Variants in DHTKD1 observed in about 807,000 individuals in gnomAD.
The protein encoded by DHTKD1 is 2-oxoadipate dehydrogenase complex component E1.
In DHTKD1, 78 loss-of-function variants were observed where a neutral mutation model predicts 101.8. The ratio of observed to expected loss-of-function variants is 0.77; its 90% confidence interval spans 0.64 to 0.93. The LOEUF (loss-of-function observed/expected upper bound fraction) is 0.93. Ranked by LOEUF, DHTKD1 falls within the 40% of genes least tolerant of loss-of-function variation. The pLI is 0.00. For missense variants in DHTKD1, 1,223 were observed against 1,161.7 expected (o/e 1.05, Z -0.77); for synonymous variants, 462 against 450.3 (o/e 1.03, Z -0.33).
In DHTKD1 at chr10:12,084,578, GA is replaced by G; in HGVS notation, c.351del (p.Val118CysfsTer2). The G allele has an allele frequency of 6.2e-7, 1 of 1,613,326 alleles. No individual in the cohort carries two copies. Among genetic ancestry groups the G allele is most frequent in the African/African-American group, 1.3e-5 (1 of 75,034 alleles). On this transcript the variant is annotated frameshift_variant, in exon 3 of 17. Coordinates refer to ENST00000263035, the MANE Select transcript of DHTKD1 (RefSeq NM_018706.7). LOFTEE classifies it high-confidence loss of function. Reference sequence around the variant, plus strand: ...GGGGAAGGAAGAGGCCTCACTTGAGGAAGTGTTAGTCTATCTCAATCAAATC... The same window carrying G: ...GGGGAAGGAAGAGGCCTCACTTGAGGAGTGTTAGTCTATCTCAATCAAATC... The part of the protein sequence containing the change: ...NMGKEEASLE[E>X]VLVYLNQIYC...
intron 6 of DHTKD1, among the ~76,000 whole-genome samples, chr10:12,092,069 C>T (rs765976802): frequency 8.6e-5 from 13 of 151,394 alleles, no homozygotes; most frequent in Non-Finnish European, 1.8e-4. Context: ...CTGCAACCTC[C>T]GCCTTTCAGG....
intron 14 of DHTKD1, among the ~76,000 whole-genome samples, chr10:12,118,499 T>C (rs35386608): frequency 0.072 from 10,958 of 151,338 alleles, 543 homozygotes; most frequent in Middle Eastern, 0.14. Flanking sequence ...TCTCCTGCCT[T>C]AGCCTCCCGA....
Position 12,091,544 on chromosome 10 carries a change from G to T in DHTKD1, c.1019G>T (p.Gly340Val), listed in dbSNP as rs976767270. The T allele has an allele frequency of 5.0e-6, 8 of 1,610,762 alleles. No homozygotes were observed. The highest frequency in any genetic ancestry group is 1.7e-5 in the Admixed American group (1 of 59,820). ...VHGDASFCGQ[G>V]IVPETFTLSN... is the part of the protein sequence containing the mutation. ...GGTGATGCTTCTTTCTGTGGTCAAG[G>T]GATTGTTCCTGAAACATTCACGCTG... Residue 340 changes from glycine (G) to valine (V), a missense_variant, in exon 6 of 17, where the codon GGG (glycine) becomes GTG (valine). Coordinates refer to ENST00000263035, the MANE Select transcript of DHTKD1 (RefSeq NM_018706.7).
intron 15 of DHTKD1, among the ~76,000 whole-genome samples, chr10:12,119,277 G>A (rs1372378041): frequency 6.6e-6 from 1 of 151,002 alleles, no homozygotes; most frequent in Non-Finnish European, 1.5e-5. Context: ...CTGCACTCCA[G>A]CCTGGGCACA....
chr10:12,076,172 T>C (rs993907043), intron 1 of DHTKD1, among the ~76,000 whole-genome samples: 1 of 152,232 alleles, frequency 6.6e-6, no homozygotes, highest in African/African-American at 2.4e-5. Context: ...GTCCGCTAAA[T>C]GGCTGCATTC....
At chr10:12,093,522 C>T (rs1313415504) in intron 6 of DHTKD1, among the ~76,000 whole-genome samples, 1 of 152,150 alleles carries the variant, frequency 6.6e-6, no homozygotes, top group African/African-American at 2.4e-5. Flanking sequence ...GCTGTTATTA[C>T]CCATTCCCAG....
intron 1 of DHTKD1, among the ~76,000 whole-genome samples, chr10:12,080,580 G>T (rs983777942): frequency 6.6e-6 from 1 of 151,564 alleles, no homozygotes; most frequent in Non-Finnish European, 1.5e-5. Flanking sequence ...GCGTGGTGGC[G>T]GGAACCTGTA....
chr10:12,113,267 G>A (rs982528742), intron 13 of DHTKD1, among the ~76,000 whole-genome samples: 1 of 151,892 alleles, frequency 6.6e-6, no homozygotes, highest in Admixed American at 6.6e-5. Context: ...GTGCAATCTC[G>A]GCCCGTTGCA....
At chr10:12,119,889 C>CT (rs1200106048) in intron 15 of DHTKD1, among the ~76,000 whole-genome samples, 1 of 152,154 alleles carries the variant, frequency 6.6e-6, no homozygotes, top group Non-Finnish European at 1.5e-5. Flanking sequence ...CCTAGCCTGC[C>CT]TTAAACATGC....
chr10:12,081,623 G>T lies in DHTKD1; in HGVS notation c.306G>T (p.Thr102=), dbSNP rs775431352. The T allele has an allele frequency of 2.5e-6, 4 of 1,614,040 alleles. No individual in the cohort carries two copies. In the South Asian group the frequency reaches 4.4e-5, roughly 18 times the overall value. ...AGACACTGCAGGGACCCTTCCACAC[G>T]GCAGGTATGGCTTCTGCACAGCAGG... The part of the protein sequence containing the change: ...LVQTLQGPFH[T]AGLLNMGKEE... Residue 102 remains threonine, a synonymous_variant, in exon 2 of 17, where the codon ACG becomes ACT. Transcript: ENST00000263035.
rs1449468510 is a variant in DHTKD1, at chr10:12,107,424, G to C, written c.2048-485G>C. On this transcript the variant is annotated intron_variant, in intron 11 of 16. Transcript: ENST00000263035. The surrounding 1 kb of genome is among the most constrained non-coding windows in gnomAD (Gnocchi z 4.1). ...AGGGCCTGTGCCGTGATAGGTTATGGCTTTCTTTTTTGAGACGGTGTCTCA... is the reference window on the plus strand; with the variant it reads ...AGGGCCTGTGCCGTGATAGGTTATGCCTTTCTTTTTTGAGACGGTGTCTCA... Among the ~76,000 whole-genome samples the C allele has an allele frequency of 6.6e-6, 1 of 151,612 alleles. No individual in the cohort carries two copies. Among genetic ancestry groups the C allele is most frequent in the Non-Finnish European group, 1.5e-5 (1 of 67,896 alleles).
At chr10:12,081,999 C>T (rs1323161971) in intron 2 of DHTKD1, among the ~76,000 whole-genome samples, 6 of 151,384 alleles carry the variant, frequency 4.0e-5, no homozygotes, top group African/African-American at 1.5e-4. Flanking sequence ...TGGTGGTGCA[C>T]GCCTATAGTT....
At chr10:12,119,501 A>C (rs1367886845) in intron 15 of DHTKD1, among the ~76,000 whole-genome samples, 3 of 150,292 alleles carry the variant, frequency 2.0e-5, no homozygotes, top group Non-Finnish European at 4.4e-5. Flanking sequence ...CTGTAGTCCC[A>C]GCTACTTGGG....
intron 14 of DHTKD1, among the ~76,000 whole-genome samples, chr10:12,118,106 T>C (rs1032331722): frequency 1.4e-4 from 21 of 151,928 alleles, no homozygotes; most frequent in Non-Finnish European, 1.5e-5. Flanking sequence ...GCCAGGCTGG[T>C]CTCGAACTCC....
rs151210875 is a variant in DHTKD1 at position 12,114,700 on chromosome 10, C to T, written c.2319+1636C>T. Among the ~76,000 whole-genome samples, 42 of 152,252 alleles carry T rather than the reference C, an allele frequency of 2.8e-4. No individual in the cohort carries two copies. In the East Asian group the frequency reaches 6.0e-3, roughly 22 times the overall value. On this transcript the variant is annotated intron_variant, in intron 13 of 16. Transcript: ENST00000263035. ...ATATCTTGTGCTGCTCACAAAGGTT[C>T]GAGAGTGTATATTTGGAATTGAGGG...
chr10:12,113,468 G>A (rs1833368274), intron 13 of DHTKD1, among the ~76,000 whole-genome samples: 1 of 152,228 alleles, frequency 6.6e-6, no homozygotes, highest in Non-Finnish European at 1.5e-5. Context: ...AAAGTGCTGG[G>A]ATTGCAGGCG....
intron 10 of DHTKD1, among the ~76,000 whole-genome samples, chr10:12,101,560 C>T (rs376176579): frequency 6.6e-6 from 1 of 152,144 alleles, no homozygotes; most frequent in Non-Finnish European, 1.5e-5. Context: ...GTTACCTGTT[C>T]CCTAAGGTAT....
In DHTKD1 at chr10:12,094,510, A is replaced by C. The variant is rs909660512; in HGVS notation, c.1358+239A>C. On this transcript the variant is annotated intron_variant, in intron 7 of 16. Transcript: ENST00000263035. ...GCCACCGTGCCTGGCTAGTTTTCAT[A>C]CTTTTTAGTAGAGATGGAGTTTTGC... 1.4e-4 allele frequency among the ~76,000 whole-genome samples: 21 copies of C among 149,210 alleles called. 1 individual carries two copies. The highest frequency in any genetic ancestry group is 1.1e-3 in the Admixed American group (16 of 14,938).
intron 12 of DHTKD1, among the ~76,000 whole-genome samples, chr10:12,111,476 G>A (rs1267666786): frequency 6.6e-6 from 1 of 152,154 alleles, no homozygotes; most frequent in Non-Finnish European, 1.5e-5. Context: ...TTTGTTTTGT[G>A]TTAAAGGTAG....
Sources: allele counts gnomAD v4.1 joint callset (sites outside exome capture counted in the v4.1 genomes callset), GRCh38; gene constraint gnomAD v4.1.1; non-coding constraint Gnocchi (gnomAD v3.1); transcripts MANE v1.5; gene names NCBI Gene and HGNC (gene_info 2026-07-23, HGNC 2026-07-21).